The following SWAP70 variants were observed in gnomAD, a reference collection of about 807,000 sequenced individuals.
SWAP70 encodes switching B cell complex subunit SWAP70.
In SWAP70, 34 loss-of-function variants were observed where a neutral mutation model predicts 80.2. The observed-to-expected ratio is 0.42, with a 90% CI of 0.32 to 0.56. The LOEUF (loss-of-function observed/expected upper bound fraction) is 0.56, where lower values mean the gene tolerates loss of function less well. SWAP70 is among the 20% of genes least tolerant of loss of function. SWAP70 has a pLI of 0.09. For missense variants in SWAP70, 578 were observed against 690.7 expected (o/e 0.84, Z 1.83); for synonymous variants, 239 against 238.5 (o/e 1.00, Z -0.02).
intron 2 of SWAP70, among the ~76,000 whole-genome samples, chr11:9,696,252 G>A (rs1238995392): frequency 1.3e-5 from 2 of 152,108 alleles, no homozygotes; most frequent in African/African-American, 4.8e-5. Flanking sequence ...CCTTGGGTTG[G>A]ATCATTACAA....
chr11:9,675,866 G>T (rs1015707802), intron 1 of SWAP70, among the ~76,000 whole-genome samples: 1 of 152,080 alleles, frequency 6.6e-6, no homozygotes, highest in South Asian at 2.1e-4. Flanking sequence ...CTTTATCTCT[G>T]CACCCATCCT....
At chr11:9,677,746 C>G (rs956931031) in intron 1 of SWAP70, among the ~76,000 whole-genome samples, 6 of 152,008 alleles carry the variant, frequency 3.9e-5, no homozygotes, top group Admixed American at 2.0e-4. Flanking sequence ...AGAAATACAG[C>G]TTTAAAAAAA....
chr11:9,729,450 A>G lies in SWAP70; in HGVS notation c.897A>G (p.Gln299=). Residue 299 remains glutamine, a splice_region_variant and synonymous_variant, in exon 6 of 12, where the codon CAA becomes CAG. Transcript: ENST00000318950. ...AGAAGAAGAAACAGGAGTGGATTCA[A>G]GGTAAGGTGATTTTTTATTATTTGC... The part of the protein sequence containing the change: ...SDKKKKQEWI[Q]AIHSTIHLLK... 1.3e-6 allele frequency: 2 copies of G among 1,592,572 alleles called. No homozygotes were observed. The highest frequency in any genetic ancestry group is 1.7e-6 in the Non-Finnish European group (2 of 1,163,756).
At chr11:9,679,732 G>C (rs1850543729) in intron 1 of SWAP70, among the ~76,000 whole-genome samples, 1 of 151,958 alleles carries the variant, frequency 6.6e-6, no homozygotes, top group Non-Finnish European at 1.5e-5. Context: ...GTGGTGGTGC[G>C]ATCTCAGCTC....
Position 9,738,266 on chromosome 11 carries a change from G to C in SWAP70, c.1134G>C (p.Gln378His), listed in dbSNP as rs1851389778. 3 of 1,611,818 alleles carry C rather than the reference G, an allele frequency of 1.9e-6. No homozygotes were observed. The East Asian group carries it at 6.7e-5, about 36-fold the overall frequency. The change falls in exon 8 of 12, where the codon CAG (glutamine) becomes CAC (histidine). Residue 378 changes from glutamine (Q) to histidine (H), a missense_variant. By Grantham distance (24) the Gln-to-His change is conservative. Transcript: ENST00000318950. ...RAAEEEKKRLQTQVELQARFS... is the reference protein window; with the variant it reads ...RAAEEEKKRLHTQVELQARFS... The stretch of plus-strand genomic sequence containing the variant: ...CAGAAGAGGAAAAGAAACGCCTTCA[G>C]ACTCAAGTGGAACTTCAGGCCAGGT...
At chr11:9,675,658 C>T (rs958618113) in intron 1 of SWAP70, among the ~76,000 whole-genome samples, 3 of 151,968 alleles carry the variant, frequency 2.0e-5, no homozygotes, top group Non-Finnish European at 4.4e-5. Context: ...CACACCACCC[C>T]TCTCCCCAAA....
At chr11:9,671,667 T>TATATCAATAGAA (rs1850400641) in intron 1 of SWAP70, among the ~76,000 whole-genome samples, 1 of 28,922 alleles carries the variant, frequency 3.5e-5, no homozygotes, top group Non-Finnish European at 5.2e-5. Context: ...TCTATATAAA[T>TATATCAATAGAA]ATATATAAAT....
At chr11:9,707,644 C>T (rs769633552) in intron 2 of SWAP70, among the ~76,000 whole-genome samples, 4 of 150,802 alleles carry the variant, frequency 2.7e-5, no homozygotes, top group Non-Finnish European at 5.9e-5. Context: ...TAGCCTCCAC[C>T]TCTGGGGTTC....
chr11:9,675,361 GAGAGAGAGAGAGA>G (rs1850479971), intron 1 of SWAP70, among the ~76,000 whole-genome samples: 1 of 29,726 alleles, frequency 3.4e-5, no homozygotes, highest in Non-Finnish European at 8.5e-5. Context: ...GAGAGAGAGA[GAGAGAGAGAGAGA>G]GAGAGAGAGA....
intron 1 of SWAP70, among the ~76,000 whole-genome samples, chr11:9,687,884 G>A (rs1014410698): frequency 2.0e-5 from 3 of 152,188 alleles, no homozygotes; most frequent in Non-Finnish European, 4.4e-5. Context: ...ATGCTGAATA[G>A]GAGTTCATGG....
At chr11:9,728,468 A>G (rs1851254700) in intron 5 of SWAP70, among the ~76,000 whole-genome samples, 1 of 152,220 alleles carries the variant, frequency 6.6e-6, no homozygotes, top group Non-Finnish European at 1.5e-5. Context: ...CATTTAAGGA[A>G]TCATTTATTG....
At chr11:9,676,133 C>A (rs940275278) in intron 1 of SWAP70, among the ~76,000 whole-genome samples, 1 of 152,182 alleles carries the variant, frequency 6.6e-6, no homozygotes, top group African/African-American at 2.4e-5. Context: ...AACTTGTATT[C>A]ATGAATAGTC....
intron 1 of SWAP70, among the ~76,000 whole-genome samples, chr11:9,677,048 CT>C (rs1008591382): frequency 2.1e-3 from 296 of 143,066 alleles, no homozygotes; most frequent in Middle Eastern, 7.2e-3. Context: ...GTATTTCTCT[CT>C]TTTTTTTTTT....
intron 1 of SWAP70, among the ~76,000 whole-genome samples, chr11:9,668,072 A>G (rs1212380953): frequency 6.6e-6 from 1 of 152,100 alleles, no homozygotes; most frequent in African/African-American, 2.4e-5. Context: ...TATTTTTAGT[A>G]GAGATGGGGT....
chr11:9,729,309 A>G, intron 5 of SWAP70, 34 bp from the exon 6 acceptor site: 6 of 1,343,498 alleles, frequency 4.5e-6, no homozygotes, highest in Non-Finnish European at 6.3e-6. Flanking sequence ...AAATACTTAA[A>G]ATTTTGAGGA....
intron 1 of SWAP70, among the ~76,000 whole-genome samples, chr11:9,680,289 G>C (rs945038345): frequency 6.6e-5 from 10 of 152,194 alleles, no homozygotes; most frequent in African/African-American, 2.4e-4. Flanking sequence ...TCCAGTGTTA[G>C]CCAGTAGCCA....
chr11:9,750,717 G>C lies in SWAP70; in HGVS notation c.*747G>C, dbSNP rs1770248063. Reference sequence around the variant, plus strand: ...GTGTTTCCTTTTCCGAGTATGTGCTGTTAAACTAGATTGGCCGGTTCGCTT... The same window carrying C: ...GTGTTTCCTTTTCCGAGTATGTGCTCTTAAACTAGATTGGCCGGTTCGCTT... On this transcript the variant is annotated 3_prime_UTR_variant, in exon 12 of 12. Transcript: ENST00000318950. The C allele has an allele frequency of 1.3e-5, 2 of 152,290 alleles. No individual in the cohort carries two copies. The highest frequency in any genetic ancestry group is 4.8e-5 in the African/African-American group (2 of 41,450). 9.4% of individuals were successfully genotyped at this position (152,290 alleles called of 1,614,324 possible). A position where few individuals can be genotyped will look rare whatever the true frequency, so the allele number is the denominator to read the frequency against.
chr11:9,681,842 G>T (rs1031586775), intron 1 of SWAP70, among the ~76,000 whole-genome samples: 1 of 152,160 alleles, frequency 6.6e-6, no homozygotes, highest in Non-Finnish European at 1.5e-5. Context: ...TGAAAAGGAT[G>T]TATGAAATTC....
intron 1 of SWAP70, among the ~76,000 whole-genome samples, chr11:9,689,756 A>G (rs1321759438): frequency 6.6e-6 from 1 of 152,062 alleles, no homozygotes; most frequent in Non-Finnish European, 1.5e-5. Context: ...GTGCTGGGAG[A>G]TGAGGGCTCC....
Sources: gnomAD v4.1 joint callset for allele counts (sites outside exome capture counted in the v4.1 genomes callset) on GRCh38, gnomAD v4.1.1 for gene constraint, MANE v1.5 for transcripts, NCBI Gene and HGNC (gene_info 2026-07-23, HGNC 2026-07-21) for gene names.